Variants in SPATA7 observed in about 807,000 individuals in gnomAD.
SPATA7 encodes spermatogenesis associated 7.
A neutral mutation model predicts 51.8 loss-of-function variants in SPATA7; 43 were observed. The observed-to-expected ratio is 0.83, with a 90% CI of 0.65 to 1.07. The LOEUF (loss-of-function observed/expected upper bound fraction) is 1.07. SPATA7 is among the 50% of genes least tolerant of loss of function. SPATA7 has a pLI of 0.00. For missense variants in SPATA7, 683 were observed against 701.3 expected (o/e 0.97, Z 0.30); for synonymous variants, 230 against 252.8 (o/e 0.91, Z 0.86).
intron 10 of SPATA7, among the ~76,000 whole-genome samples, chr14:88,434,897 A>G (rs961817703): frequency 5.3e-5 from 8 of 151,902 alleles, no homozygotes; most frequent in African/African-American, 1.9e-4. Flanking sequence ...CAGAACTACT[A>G]ACTCTGAGGT....
intron 4 of SPATA7, among the ~76,000 whole-genome samples, chr14:88,411,858 GT>G (rs1192703047): frequency 2.0e-5 from 3 of 152,076 alleles, no homozygotes; most frequent in African/African-American, 7.2e-5. Context: ...TTTGGGGGGG[GT>G]TTATACATGG....
intron 10 of SPATA7, among the ~76,000 whole-genome samples, chr14:88,436,280 C>A (rs2077084798): frequency 6.6e-6 from 1 of 151,954 alleles, no homozygotes; most frequent in South Asian, 2.1e-4. Flanking sequence ...CCCTATAAAT[C>A]TAATAGTAAA....
At chr14:88,413,880 C>T (rs1335504234) in intron 4 of SPATA7, among the ~76,000 whole-genome samples, 1 of 151,976 alleles carries the variant, frequency 6.6e-6, no homozygotes, top group Non-Finnish European at 1.5e-5. Flanking sequence ...GTTGAACCAG[C>T]CTTTCATTCC....
downstream of SPATA7, among the ~76,000 whole-genome samples, chr14:88,458,483 T>C (rs2077298812): frequency 6.6e-6 from 1 of 152,216 alleles, no homozygotes; most frequent in Non-Finnish European, 1.5e-5. Context: ...ATTTATCCAT[T>C]TCTTCTAGAT....
chr14:88,392,156 C>G (rs1439808006), intron 2 of SPATA7, among the ~76,000 whole-genome samples: 2 of 151,656 alleles, frequency 1.3e-5, no homozygotes, highest in East Asian at 3.9e-4. Context: ...ATGTATGTAA[C>G]ATATATATGT....
At chr14:88,405,857 G>A (rs550134331) in intron 4 of SPATA7, among the ~76,000 whole-genome samples, 2 of 152,118 alleles carry the variant, frequency 1.3e-5, no homozygotes, top group South Asian at 2.1e-4. Context: ...GCATATAGGG[G>A]GTATTTAAAG....
At chr14:88,391,504 G>A (rs774340240) in intron 2 of SPATA7, 49 bp downstream of exon 2, 2 of 1,504,346 alleles carry the variant, frequency 1.3e-6, no homozygotes, top group Non-Finnish European at 9.2e-7. Flanking sequence ...TTGTCTGAGT[G>A]TTTCCTTTAC....
intron 5 of SPATA7, among the ~76,000 whole-genome samples, chr14:88,423,671 A>ATTTT (rs897398508): frequency 2.4e-4 from 3 of 12,272 alleles, no homozygotes; most frequent in African/African-American, 3.2e-4. Context: ...TTTTAAAATA[A>ATTTT]TTTTTTTTTT....
chr14:88,459,308 G>A (rs1051678182), downstream of SPATA7, among the ~76,000 whole-genome samples: 3 of 152,216 alleles, frequency 2.0e-5, no homozygotes, highest in East Asian at 5.8e-4. Context: ...ATCTGTCTAA[G>A]GTTGACAGTG....
intron 5 of SPATA7, among the ~76,000 whole-genome samples, chr14:88,418,068 C>G (rs1002170029): frequency 6.6e-6 from 1 of 152,204 alleles, no homozygotes; most frequent in African/African-American, 2.4e-5. Flanking sequence ...ATTGTTCATA[C>G]TATTCTCTTA....
downstream of SPATA7, among the ~76,000 whole-genome samples, chr14:88,439,929 G>A (rs1027673522): frequency 6.6e-6 from 1 of 152,004 alleles, no homozygotes; most frequent in East Asian, 1.9e-4. Context: ...CTTTAACCCT[G>A]TAAGCAACAC....
chr14:88,394,013 T>C (rs986980107), intron 3 of SPATA7, among the ~76,000 whole-genome samples: 1 of 152,134 alleles, frequency 6.6e-6, no homozygotes, highest in Non-Finnish European at 1.5e-5. Flanking sequence ...ACCACCTGTT[T>C]CTGTACAGCC....
In SPATA7 at chr14:88,434,354, A is replaced by T. The variant is rs150882175; in HGVS notation, c.1160+1142A>T. On this transcript the variant is annotated intron_variant, in intron 10 of 11. Transcript: ENST00000393545. Reference sequence around the variant, plus strand: ...AAATGATGTTGAAGTGAATTTACAGATATAGAAAGATGTTAAAGATATATG... The same window carrying T: ...AAATGATGTTGAAGTGAATTTACAGTTATAGAAAGATGTTAAAGATATATG... Among the ~76,000 whole-genome samples, 45 of 152,294 alleles carry T rather than the reference A, an allele frequency of 3.0e-4. No individual in the cohort carries two copies. The East Asian group carries it at 6.2e-3, about 21-fold the overall frequency.
chr14:88,470,102 G>C, exon 5 of SPATA7: 1 of 1,557,214 alleles, frequency 6.4e-7, no homozygotes, highest in Non-Finnish European at 8.8e-7. Flanking sequence ...ATATACATAG[G>C]TATGTATGCA....
chr14:88,390,736 C>T (rs1223951883), intron 1 of SPATA7, among the ~76,000 whole-genome samples: 1 of 152,170 alleles, frequency 6.6e-6, no homozygotes, highest in Non-Finnish European at 1.5e-5. Context: ...AAAAAAGTCA[C>T]AGTTCTTTCT....
intron 3 of SPATA7, among the ~76,000 whole-genome samples, chr14:88,394,760 A>G (rs980249107): frequency 1.3e-5 from 2 of 152,150 alleles, no homozygotes; most frequent in African/African-American, 4.8e-5. Context: ...TACCATTTAC[A>G]TTTCCATTAC....
intron 10 of SPATA7, among the ~76,000 whole-genome samples, chr14:88,435,279 T>C (rs2077052861): frequency 6.6e-6 from 1 of 152,178 alleles, no homozygotes; most frequent in South Asian, 2.1e-4. Context: ...TTTTTAAATT[T>C]TTTAATTATT....
downstream of SPATA7, among the ~76,000 whole-genome samples, chr14:88,459,408 G>A (rs1220250144): frequency 6.6e-6 from 1 of 152,194 alleles, no homozygotes; most frequent in Non-Finnish European, 1.5e-5. Flanking sequence ...AGGTGCTCCT[G>A]TATTGGGTGC....
intron 5 of SPATA7, among the ~76,000 whole-genome samples, chr14:88,420,418 C>A (rs774646014): frequency 6.6e-6 from 1 of 152,208 alleles, no homozygotes; most frequent in Non-Finnish European, 1.5e-5. Context: ...TAGTTGTTTG[C>A]TCTGTGACCT....
Sources: gnomAD v4.1 joint callset for allele counts (sites outside exome capture counted in the v4.1 genomes callset) on GRCh38, gnomAD v4.1.1 for gene constraint, MANE v1.5 for transcripts, NCBI Gene and HGNC (gene_info 2026-07-23, HGNC 2026-07-21) for gene names.